Variants in XG observed in about 807,000 individuals in gnomAD.
XG encodes Xg glycoprotein (Xg blood group).
In XG, 24 loss-of-function variants were observed where a neutral mutation model predicts 25.7. The observed-to-expected ratio is 0.93, with a 90% CI of 0.68 to 1.31. XG has a LOEUF of 1.31. Ranked by LOEUF, XG falls within the 40% of genes most tolerant of loss-of-function variation. The pLI is 0.00. For missense variants in XG, 181 were observed against 187.6 expected (o/e 0.96, Z 0.21); for synonymous variants, 77 against 69.2 (o/e 1.11, Z -0.56).
chrX:2,808,071 T>C (rs1415687501), intron 8 of XG, 114 bp from the exon 9 acceptor site: 1 of 860,718 alleles, frequency 1.2e-6, no homozygotes, highest in African/African-American at 2.0e-5. Context: ...GTAAATTCCC[T>C]GAAAACAGGG....
intron 3 of XG, among the ~76,000 whole-genome samples, chrX:2,780,728 A>G (rs2051101875): frequency 6.7e-6 from 1 of 149,932 alleles, no homozygotes. Flanking sequence ...AAAAAAAAAA[A>G]AGAAGAAGTA....
chrX:2,776,199 G>T (rs311161), intron 3 of XG, among the ~76,000 whole-genome samples: 119,484 of 151,770 alleles, frequency 0.79, 47,717 homozygotes, highest in East Asian at 0.95. Context: ...ATGCTTAATA[G>T]TCTCTCGGTC....
chrX:2,779,993 C>T (rs150845314), intron 3 of XG, among the ~76,000 whole-genome samples: 195 of 152,186 alleles, frequency 1.3e-3, no homozygotes, highest in Admixed American at 4.3e-3. Context: ...ACTCCTGATA[C>T]GCTGTAAATG....
At chrX:2,757,545 G>C (rs1399620064) in intron 1 of XG, among the ~76,000 whole-genome samples, 1 of 151,984 alleles carries the variant, frequency 6.6e-6, no homozygotes, top group Non-Finnish European at 1.5e-5. Context: ...TCAGAGCTCT[G>C]AACAGTAGCA....
intron 7 of XG, among the ~76,000 whole-genome samples, chrX:2,804,106 G>A (rs1237386178): frequency 1.8e-5 from 2 of 112,460 alleles, no homozygotes; most frequent in African/African-American, 3.2e-5. Flanking sequence ...GCCTCCCAAA[G>A]TGCTGGGATT....
chrX:2,782,156 T>A (rs1219436698), intron 4 of XG, 28 bp downstream of exon 4: 5 of 1,204,882 alleles, frequency 4.1e-6, no homozygotes, highest in Middle Eastern at 2.3e-4. Flanking sequence ...TGAAACTCTT[T>A]CTCAATCTGG....
intron 5 of XG, among the ~76,000 whole-genome samples, chrX:2,792,349 C>A (rs1280967773): frequency 9.1e-6 from 1 of 109,797 alleles, no homozygotes; most frequent in Non-Finnish European, 1.9e-5. Flanking sequence ...ATTATTTTTT[C>A]TTTGAGTCAG....
At chrX:2,773,324 A>G in intron 2 of XG, among the ~76,000 whole-genome samples, 1 of 144,286 alleles carries the variant, frequency 6.9e-6, no homozygotes, top group African/African-American at 2.6e-5. Flanking sequence ...AGGAGGGGGG[A>G]AGGAAAGAAA....
At chrX:2,767,016 G>A (rs2050714468) in intron 1 of XG, among the ~76,000 whole-genome samples, 1 of 152,036 alleles carries the variant, frequency 6.6e-6, no homozygotes, top group African/African-American at 2.4e-5. Flanking sequence ...GGGGAGAATG[G>A]GACTCAGAGA....
Position 2,782,645 on chromosome X carries a change from C to A in XG, c.190+517C>A, listed in dbSNP as rs747491584. Reference sequence around the variant, plus strand: ...TTTCTGTTCCTGGGTGGATGGCGGACCTGGTTGAGCCAGATTACCGGGCTG... The same window carrying A: ...TTTCTGTTCCTGGGTGGATGGCGGAACTGGTTGAGCCAGATTACCGGGCTG... On this transcript the variant is annotated intron_variant, in intron 4 of 10. Transcript: ENST00000644266. Among the ~76,000 whole-genome samples, 8 of 110,847 alleles carry A rather than the reference C, an allele frequency of 7.2e-5. No individual in the cohort carries two copies. In the South Asian group the frequency reaches 1.6e-3, roughly 22 times the overall value.
chrX:2,765,537 G>C (rs1188327907), intron 1 of XG, among the ~76,000 whole-genome samples: 1 of 152,240 alleles, frequency 6.6e-6, no homozygotes, highest in Non-Finnish European at 1.5e-5. Context: ...CGTAATGATT[G>C]CAGTTGGCTC....
rs1338165823 is a variant in XG at position 2,766,298 on chromosome X, G to A, written c.62-4252G>A. On this transcript the variant is annotated intron_variant, in intron 1 of 10. Coordinates refer to ENST00000644266, the MANE Select transcript of XG (RefSeq NM_001141919.2). ...TGGGATTACAGGCACGCACCACCACGCTCAGCTAAGTTTTGTATTTTTAGT... is the reference window on the plus strand; with the variant it reads ...TGGGATTACAGGCACGCACCACCACACTCAGCTAAGTTTTGTATTTTTAGT... 5.3e-5 allele frequency among the ~76,000 whole-genome samples: 8 copies of A among 151,776 alleles called. No individual in the cohort carries two copies. The East Asian group carries it at 1.4e-3, about 26-fold the overall frequency.
intron 7 of XG, among the ~76,000 whole-genome samples, chrX:2,798,925 G>A (rs190660973): frequency 2.0e-5 from 2 of 100,632 alleles, no homozygotes; most frequent in East Asian, 6.0e-4. Flanking sequence ...ATTAGGCTTT[G>A]TGAGAGCCAA....
At chrX:2,776,676 T>C (rs1229277254) in intron 3 of XG, among the ~76,000 whole-genome samples, 1 of 152,040 alleles carries the variant, frequency 6.6e-6, no homozygotes, top group East Asian at 1.9e-4. Context: ...AAACCCCGTC[T>C]CTACTAAAAA....
rs1441450345 is a variant in XG at position 2,773,271 on chromosome X, G to A, written c.104-1445G>A. Among the ~76,000 whole-genome samples, 5 of 148,922 alleles carry A rather than the reference G, an allele frequency of 3.4e-5. No individual in the cohort carries two copies. The South Asian group carries it at 6.4e-4, about 19-fold the overall frequency. On this transcript the variant is annotated intron_variant, in intron 2 of 10. Coordinates refer to ENST00000644266, the MANE Select transcript of XG (RefSeq NM_001141919.2). ...GGAGAGGAGATAAGAAAAGACTGAG[G>A]GGAGGAAGGAAGAAGGAGAGGAATG...
chrX:2,768,628 C>T (rs1388369810), intron 1 of XG, among the ~76,000 whole-genome samples: 3 of 152,082 alleles, frequency 2.0e-5, no homozygotes, highest in African/African-American at 7.2e-5. Context: ...GTTAGCTGGG[C>T]GTGATGGCAT....
chrX:2,780,129 G>T lies in XG; in HGVS notation c.128-1937G>T, dbSNP rs139331395. On this transcript the variant is annotated intron_variant, in intron 3 of 10. Transcript: ENST00000644266. ...TGGATCTATAGATGCAGAAATTCTG[G>T]TTATAGAGCACAAACTGTGTATAGA... is the stretch of plus-strand genomic sequence containing the variant. Among the ~76,000 whole-genome samples, 997 of 151,786 alleles carry T rather than the reference G, an allele frequency of 6.6e-3. 11 individuals are homozygous for T. Among genetic ancestry groups the T allele is most frequent in the African/African-American group, 0.023 (949 of 41,386 alleles).
intron 1 of XG, among the ~76,000 whole-genome samples, chrX:2,754,358 C>A (rs2050391277): frequency 6.6e-6 from 1 of 152,146 alleles, no homozygotes; most frequent in Non-Finnish European, 1.5e-5. Context: ...CCTTGGCCTC[C>A]CCAAATCTTG....
intron 7 of XG, among the ~76,000 whole-genome samples, chrX:2,800,355 G>A (rs1448651256): frequency 8.9e-6 from 1 of 111,967 alleles, no homozygotes; most frequent in Non-Finnish European, 1.9e-5. Flanking sequence ...AGCTTAGAAA[G>A]GGAAGGCCTG....
Sources: allele counts gnomAD v4.1 joint callset (sites outside exome capture counted in the v4.1 genomes callset), GRCh38; gene constraint gnomAD v4.1.1; transcripts MANE v1.5; gene names NCBI Gene and HGNC (gene_info 2026-07-23, HGNC 2026-07-21).